Variants in RTTN observed in about 807,000 individuals in gnomAD.
RTTN encodes the protein rotatin.
RTTN carries 182 observed loss-of-function variants against 269.2 expected under a neutral mutation model. The observed-to-expected ratio is 0.68, with a 90% CI of 0.60 to 0.76. The LOEUF (loss-of-function observed/expected upper bound fraction) is 0.76, where lower values mean the gene tolerates loss of function less well. Ranked by LOEUF, RTTN falls within the 30% of genes least tolerant of loss-of-function variation. RTTN has a pLI of 0.00. For synonymous variants in RTTN, 1,006 were observed against 963.5 expected, an observed-to-expected ratio of 1.04 and a Z score of -0.82; for missense variants, 2,545 against 2,608.6, an observed-to-expected ratio of 0.98 and a Z score of 0.53.
At chr18:70,038,154 C>CA (rs1335886734) in intron 40 of RTTN, among the ~76,000 whole-genome samples, 1 of 152,210 alleles carries the variant, frequency 6.6e-6, no homozygotes, top group African/African-American at 2.4e-5. Flanking sequence ...TCACAGATAG[C>CA]ATCTCTGGAC....
chr18:70,115,372 T>C (rs1467034042), intron 26 of RTTN, among the ~76,000 whole-genome samples: 1 of 151,766 alleles, frequency 6.6e-6, no homozygotes. Context: ...AAGTTTTTCC[T>C]CTTTTCCCAA....
At chr18:70,045,405 C>T (rs1356799017) in intron 40 of RTTN, among the ~76,000 whole-genome samples, 1 of 152,130 alleles carries the variant, frequency 6.6e-6, no homozygotes, top group Non-Finnish European at 1.5e-5. Flanking sequence ...AAACTTAGAC[C>T]TTTGAAAGAC....
Position 70,097,446 on chromosome 18 carries a change from A to G in RTTN, c.3904-4642T>C, listed in dbSNP as rs2059031978. Among the ~76,000 whole-genome samples, 2 of 152,246 alleles carry G rather than the reference A, an allele frequency of 1.3e-5. 1 individual carries two copies. The highest frequency in any genetic ancestry group is 4.1e-4 in the South Asian group (2 of 4,836). On this transcript the variant is annotated intron_variant, in intron 28 of 48. Coordinates refer to ENST00000640769, the MANE Select transcript of RTTN (RefSeq NM_173630.4). ...TACAACAGGGATACCTGTTTATGTAATTAATAAACTAAGCAGATAGTCCCA... is the reference window on the plus strand; with the variant it reads ...TACAACAGGGATACCTGTTTATGTAGTTAATAAACTAAGCAGATAGTCCCA...
chr18:70,136,087 C>T (rs1432812747), intron 21 of RTTN, among the ~76,000 whole-genome samples: 4 of 152,036 alleles, frequency 2.6e-5, no homozygotes, highest in African/African-American at 7.2e-5. Context: ...GAAAATCATC[C>T]TTATGTAATT....
At chr18:70,031,119 T>A in intron 40 of RTTN, 138 bp from the exon 41 acceptor site, 1 of 602,708 alleles carries the variant, frequency 1.7e-6, no homozygotes, top group Middle Eastern at 4.3e-4. Context: ...TTTTGATAAA[T>A]CATTAATATT....
At chr18:70,073,885 T>C in intron 34 of RTTN, 21 bp downstream of exon 34, 1 of 1,564,522 alleles carries the variant, frequency 6.4e-7, no homozygotes, top group Admixed American at 1.7e-5. Context: ...AATAAAGGAC[T>C]TATGCATTCT....
chr18:70,136,771 T>C lies in RTTN; in HGVS notation c.2789-1491A>G, dbSNP rs181341987. ...AACTTAACCATTATCTTATAAAATCTCTTTGACCTAGGAATTCCAACACTG... is the reference window on the plus strand; with the variant it reads ...AACTTAACCATTATCTTATAAAATCCCTTTGACCTAGGAATTCCAACACTG... On this transcript the variant is annotated intron_variant, in intron 21 of 48. Coordinates refer to ENST00000640769, the MANE Select transcript of RTTN (RefSeq NM_173630.4). 2.2e-3 allele frequency among the ~76,000 whole-genome samples: 335 copies of C among 152,234 alleles called. 1 individual carries two copies. The highest frequency in any genetic ancestry group is 3.1e-3 in the Non-Finnish European group (213 of 67,976).
intron 8 of RTTN, among the ~76,000 whole-genome samples, chr18:70,191,191 C>A (rs1258573145): frequency 6.8e-6 from 1 of 147,610 alleles, no homozygotes; most frequent in African/African-American, 2.5e-5. Context: ...AAGACTCCAT[C>A]TCAAAAAAAA....
chr18:70,185,395 A>G (rs1227419737), intron 10 of RTTN, among the ~76,000 whole-genome samples: 3 of 152,242 alleles, frequency 2.0e-5, no homozygotes, highest in Non-Finnish European at 4.4e-5. Flanking sequence ...CTAAATGATC[A>G]TCTCAATAGA....
chr18:70,131,735 G>A (rs1019423572), intron 23 of RTTN: 1 of 151,340 alleles, frequency 6.6e-6, no homozygotes, highest in Admixed American at 6.6e-5. Context: ...TTAACAGCTG[G>A]AAAACATGGA....
intron 35 of RTTN, among the ~76,000 whole-genome samples, chr18:70,063,036 G>A (rs1214470334): frequency 1.3e-5 from 2 of 152,004 alleles, no homozygotes; most frequent in Non-Finnish European, 2.9e-5. Flanking sequence ...TTGTTTCCAT[G>A]TTTTATAATT....
chr18:70,087,128 TA>T (rs1255013437), intron 31 of RTTN, among the ~76,000 whole-genome samples: 1 of 151,924 alleles, frequency 6.6e-6, no homozygotes, highest in Non-Finnish European at 1.5e-5. Flanking sequence ...CTCCTTTCAA[TA>T]AAAACTTGCT....
intron 45 of RTTN, chr18:70,019,282 G>C (rs980100005): frequency 1.3e-5 from 2 of 152,144 alleles, no homozygotes; most frequent in Non-Finnish European, 2.9e-5. Context: ...CTCGAGATTG[G>C]CACTTACATT....
intron 38 of RTTN, 44 bp downstream of exon 38, chr18:70,054,087 C>T (rs1420299132): frequency 1.3e-6 from 2 of 1,492,282 alleles, no homozygotes; most frequent in Admixed American, 1.9e-5. Flanking sequence ...TTTTTTTCCT[C>T]AGTATTATTC....
chr18:70,006,164 C>A, intron 47 of RTTN: 1 of 438,042 alleles, frequency 2.3e-6, no homozygotes. Context: ...CAGAGATTCT[C>A]TTCTAAACTG....
chr18:70,043,617 A>G, intron 40 of RTTN, among the ~76,000 whole-genome samples: 1 of 152,222 alleles, frequency 6.6e-6, no homozygotes, highest in East Asian at 1.9e-4. Flanking sequence ...TGAGGAATGA[A>G]GGCAGAAATC....
intron 40 of RTTN, chr18:70,031,367 C>A: frequency 7.5e-6 from 3 of 399,722 alleles, no homozygotes; most frequent in Admixed American, 8.7e-5. Flanking sequence ...CTCCTTTCTC[C>A]TTCTGGGGAC....
chr18:70,149,433 C>T (rs920057978), intron 16 of RTTN, among the ~76,000 whole-genome samples: 3 of 151,744 alleles, frequency 2.0e-5, no homozygotes, highest in Admixed American at 6.6e-5. Flanking sequence ...GGCCCAGGCT[C>T]TCTCTTCTAA....
At chr18:70,114,391 GA>G (rs1319220635) in intron 27 of RTTN, 53 bp downstream of exon 27, 6 of 1,514,324 alleles carry the variant, frequency 4.0e-6, no homozygotes, top group Non-Finnish European at 5.3e-6. Flanking sequence ...GAAAATCAAA[GA>G]AAACTTGGGT....
Sources: gnomAD v4.1 joint callset for allele counts (sites outside exome capture counted in the v4.1 genomes callset) on GRCh38, gnomAD v4.1.1 for gene constraint, MANE v1.5 for transcripts, NCBI Gene and HGNC (gene_info 2026-07-23, HGNC 2026-07-21) for gene names.